TRIO: variants seen among roughly 807,000 people sequenced by gnomAD.
TRIO encodes trio Rho guanine nucleotide exchange factor.
In TRIO, 58 loss-of-function variants were observed where a neutral mutation model predicts 351.9. The ratio of observed to expected loss-of-function variants is 0.16; its 90% CI spans 0.13 to 0.21. The LOEUF (loss-of-function observed/expected upper bound fraction) is 0.21. Among genes scored for constraint, TRIO ranks in the 10% least tolerant of loss-of-function variants. The pLI, the probability that TRIO is intolerant of heterozygous loss-of-function variation, is 1.00. For synonymous variants in TRIO, 1,758 were observed against 1,595.7 expected (o/e 1.10, Z -2.42); for missense variants, 3,201 against 4,027.8 (o/e 0.79, Z 5.56).
At chr5:14,306,613 C>G (rs1425428511) in intron 8 of TRIO, among the ~76,000 whole-genome samples, 1 of 152,242 alleles carries the variant, frequency 6.6e-6, no homozygotes, top group East Asian at 1.9e-4. Flanking sequence ...AGCCAGCTGT[C>G]TGCATGCCCT....
At chr5:14,188,827 C>T (rs577410564) in intron 1 of TRIO, among the ~76,000 whole-genome samples, 1 of 152,080 alleles carries the variant, frequency 6.6e-6, no homozygotes, top group African/African-American at 2.4e-5. Flanking sequence ...TAGTTTCTTG[C>T]CTTTTAGCCT....
At chr5:14,229,729 AGT>A (rs1358663167) in intron 1 of TRIO, among the ~76,000 whole-genome samples, 19 of 152,208 alleles carry the variant, frequency 1.2e-4, no homozygotes, top group Admixed American at 1.2e-3. Context: ...AGTGTCCTGA[AGT>A]GTGATTAACA....
chr5:14,364,894 C>T (rs1744464784), intron 15 of TRIO, 78 bp downstream of exon 15: 1 of 1,494,698 alleles, frequency 6.7e-7, no homozygotes, highest in South Asian at 1.3e-5. Context: ...AAATTCTGAC[C>T]TGTAGCATTG....
At chr5:14,292,665 T>C (rs749381126) in intron 5 of TRIO, among the ~76,000 whole-genome samples, 1 of 152,236 alleles carries the variant, frequency 6.6e-6, no homozygotes, top group Non-Finnish European at 1.5e-5. Flanking sequence ...TAATTGAACC[T>C]CACTGTGGCA....
intron 9 of TRIO, among the ~76,000 whole-genome samples, chr5:14,320,301 G>T (rs887036234): frequency 1.3e-5 from 2 of 152,208 alleles, no homozygotes; most frequent in Non-Finnish European, 2.9e-5. Flanking sequence ...CAGATGGGTA[G>T]TAGTAGTCCA....
chr5:14,173,700 C>T (rs111569999), intron 1 of TRIO, among the ~76,000 whole-genome samples: 1,634 of 152,302 alleles, frequency 0.011, 39 homozygotes, highest in African/African-American at 0.037. Context: ...AAGAGCTCTA[C>T]GCTTAGGACA....
chr5:14,430,637 T>A (rs182379817), intron 34 of TRIO, among the ~76,000 whole-genome samples: 2 of 152,338 alleles, frequency 1.3e-5, no homozygotes, highest in East Asian at 3.9e-4. Flanking sequence ...TCTCCGCTCT[T>A]TCTGAAGGAT....
At chr5:14,492,428 T>G in intron 48 of TRIO, 139 bp from the exon 49 acceptor site, 2 of 1,156,166 alleles carry the variant, frequency 1.7e-6, no homozygotes, top group Non-Finnish European at 2.4e-6. Context: ...AAGGAAATGT[T>G]GAAAATTTCT....
chr5:14,251,359 G>C (rs7703674), intron 1 of TRIO, among the ~76,000 whole-genome samples: 5,078 of 152,186 alleles, frequency 0.033, 303 homozygotes, highest in African/African-American at 0.12. Flanking sequence ...CAGCACTCAC[G>C]GGCAGCACGT....
intron 9 of TRIO, among the ~76,000 whole-genome samples, chr5:14,328,902 C>T (rs1015796113): frequency 2.8e-4 from 43 of 152,172 alleles, no homozygotes; most frequent in Admixed American, 2.0e-4. Flanking sequence ...ATTTCAGTGC[C>T]TGCCAGTTCT....
At chr5:14,172,026 CATTG>C (rs1250635360) in intron 1 of TRIO, among the ~76,000 whole-genome samples, 3 of 152,196 alleles carry the variant, frequency 2.0e-5, no homozygotes, top group African/African-American at 7.2e-5. Context: ...TTGAGTAGTG[CATTG>C]AGCATCTGAA....
At chr5:14,465,698 G>A in intron 37 of TRIO, 58 bp downstream of exon 37, 3 of 1,579,080 alleles carry the variant, frequency 1.9e-6, no homozygotes, top group Non-Finnish European at 2.6e-6. Flanking sequence ...GCTACTTGCA[G>A]ATGGATTTGC....
At chr5:14,492,904 A>T in intron 49 of TRIO, 90 bp downstream of exon 49, 4 of 1,547,852 alleles carry the variant, frequency 2.6e-6, no homozygotes, top group Non-Finnish European at 3.5e-6. Context: ...CGGGGTAAGC[A>T]TGTGGAAGGG....
rs1248942174 is a variant in TRIO at position 14,476,972 on chromosome 5, A to G, written c.6153+9A>G. 2.5e-6 allele frequency: 4 copies of G among 1,610,340 alleles called. No homozygotes were observed. The highest frequency in any genetic ancestry group is 2.7e-5 in the African/African-American group (2 of 74,870). On this transcript the variant is annotated intron_variant, in intron 41 of 56. Coordinates refer to ENST00000344204, the MANE Select transcript of TRIO (RefSeq NM_007118.4). ...CCCTTTTTGTTAAACACGTAAGCACAATAGCATTGCTTATATCCTGTTCTG... is the reference window on the plus strand; with the variant it reads ...CCCTTTTTGTTAAACACGTAAGCACGATAGCATTGCTTATATCCTGTTCTG...
rs146858944 is a variant in TRIO, at chr5:14,452,247, G to T, written c.5204-8772G>T. Among the ~76,000 whole-genome samples, 5 of 152,310 alleles carry T rather than the reference G, an allele frequency of 3.3e-5. No individual in the cohort carries two copies. The East Asian group carries it at 9.6e-4, about 29-fold the overall frequency. ...GCCTGGGGCGCTTGTCCTTAGATTC[G>T]TCGTCTCGCCGCTCTGCTTCATCCT... On this transcript the variant is annotated intron_variant, in intron 34 of 56. Coordinates refer to ENST00000344204, the MANE Select transcript of TRIO (RefSeq NM_007118.4).
chr5:14,406,160 G>A, intron 32 of TRIO, 170 bp downstream of exon 32: 3 of 1,011,156 alleles, frequency 3.0e-6, no homozygotes, highest in Non-Finnish European at 4.2e-6. Flanking sequence ...CTTTGTCAGA[G>A]ATAAGAGCCT....
chr5:14,396,443 C>CTTTTTTTTTTTTT lies in TRIO; in HGVS notation c.4312-568_4312-556dup, dbSNP rs1173121592. ...ATAATAATTAAATATTTCTATTTAT[C>CTTTTTTTTTTTTT]TTTTTTTTTTTTTTTTTTTTTTTTT... On this transcript the variant is annotated intron_variant, in intron 28 of 56. Coordinates refer to ENST00000344204, the MANE Select transcript of TRIO (RefSeq NM_007118.4). Among the ~76,000 whole-genome samples the CTTTTTTTTTTTTT allele has an allele frequency of 1.3e-3, 53 of 41,552 alleles. 10 individuals are homozygous for CTTTTTTTTTTTTT. Among genetic ancestry groups the CTTTTTTTTTTTTT allele is most frequent in the Admixed American group, 2.9e-3 (6 of 2,094 alleles). The allele number at this position is 41,552 out of a possible 152,430, so 27.3% of individuals were successfully genotyped here. A position where few individuals can be genotyped will look rare whatever the true frequency, so the allele number is the denominator to read the frequency against.
intron 8 of TRIO, among the ~76,000 whole-genome samples, chr5:14,315,045 G>A (rs1739260485): frequency 6.6e-6 from 1 of 152,154 alleles, no homozygotes; most frequent in Non-Finnish European, 1.5e-5. Context: ...AAGTAAACGT[G>A]TTACAATCTG....
At chr5:14,181,067 T>A (rs557077262) in intron 1 of TRIO, among the ~76,000 whole-genome samples, 1 of 143,868 alleles carries the variant, frequency 7.0e-6, no homozygotes, top group Non-Finnish European at 1.5e-5. Flanking sequence ...TATAAAAAAA[T>A]AACAATGGAA....
Sources: gnomAD v4.1 joint callset for allele counts (sites outside exome capture counted in the v4.1 genomes callset) on GRCh38, gnomAD v4.1.1 for gene constraint, MANE v1.5 for transcripts, NCBI Gene and HGNC (gene_info 2026-07-23, HGNC 2026-07-21) for gene names.